Variants in ABCC4 observed in about 807,000 individuals in gnomAD.
ABCC4 encodes the protein ATP-binding cassette sub-family C member 4.
Under a neutral mutation model 168.5 loss-of-function variants are expected in ABCC4, and 102 were observed. The observed-to-expected ratio is 0.61, with a 90% CI of 0.52 to 0.71. The LOEUF is 0.71. Among genes scored for constraint, ABCC4 ranks in the 30% least tolerant of loss-of-function variants. ABCC4 has a pLI of 0.00. For synonymous variants in ABCC4, 617 were observed against 590.7 expected, an observed-to-expected ratio of 1.04 and a Z score of -0.65; for missense variants, 1,402 against 1,605.8, an observed-to-expected ratio of 0.87 and a Z score of 2.17.
Position 95,188,185 on chromosome 13 carries a change from C to G in ABCC4, c.1353+268G>C, listed in dbSNP as rs149988692. Among the ~76,000 whole-genome samples, 477 of 152,272 alleles carry G rather than the reference C, an allele frequency of 3.1e-3. 2 individuals are homozygous for G. The highest frequency in any genetic ancestry group is 0.011 in the African/African-American group (442 of 41,534). On this transcript the variant is annotated intron_variant, in intron 10 of 30. Transcript: ENST00000645237. Reference sequence around the variant, plus strand: ...TAGTCAATCCATCCTGCATAGTGGTCACATAAATAATTTCTTTCATGGAGA... The same window carrying G: ...TAGTCAATCCATCCTGCATAGTGGTGACATAAATAATTTCTTTCATGGAGA...
Position 95,164,054 on chromosome 13 carries a change from A to AAAAGAAAG in ABCC4, c.2175+316_2175+323dup, listed in dbSNP as rs781636269. Among the ~76,000 whole-genome samples the AAAAGAAAG allele has an allele frequency of 2.0e-3, 284 of 138,914 alleles. 2 individuals carry two copies. The highest frequency in any genetic ancestry group is 2.7e-3 in the Non-Finnish European group (178 of 65,512). The allele number at this position is 138,914 out of a possible 152,430, so 91.1% of individuals were successfully genotyped here. Reference sequence around the variant, plus strand: ...AAACTCCATCTCAAAAAAAAAAAAAAAAAGAAAGAAAGAAAGAAAGAAAGA... The same window carrying AAAAGAAAG: ...AAACTCCATCTCAAAAAAAAAAAAAAAAAGAAAGAAAGAAAGAAAGAAAGAAAGAAAGA... On this transcript the variant is annotated intron_variant, in intron 16 of 30. Coordinates refer to ENST00000645237, the MANE Select transcript of ABCC4 (RefSeq NM_005845.5).
chr13:95,247,910 T>C (rs2040150656), intron 1 of ABCC4, among the ~76,000 whole-genome samples, 157 bp from the exon 2 acceptor site: 3 of 19,940 alleles, frequency 1.5e-4, no homozygotes, highest in Non-Finnish European at 2.9e-4. Flanking sequence ...AGAGAAAAGT[T>C]AACATGTGCA....
At chr13:95,107,197 C>A (rs1670644916) in intron 20 of ABCC4, among the ~76,000 whole-genome samples, 1 of 152,134 alleles carries the variant, frequency 6.6e-6, no homozygotes, top group Non-Finnish European at 1.5e-5. Flanking sequence ...GCAGAAGCTA[C>A]AGTGAGCCGA....
At chr13:95,035,138 T>C (rs1285168970) in intron 29 of ABCC4, among the ~76,000 whole-genome samples, 1 of 152,128 alleles carries the variant, frequency 6.6e-6, no homozygotes, top group African/African-American at 2.4e-5. Context: ...TCAAATTAAA[T>C]TTATCTAAAA....
At chr13:95,061,407 G>C (rs898726834) in intron 26 of ABCC4, among the ~76,000 whole-genome samples, 2 of 152,156 alleles carry the variant, frequency 1.3e-5, no homozygotes, top group African/African-American at 4.8e-5. Context: ...TCAGTGCTAG[G>C]ATAGCCATAA....
chr13:95,135,440 T>A (rs1003983466), intron 19 of ABCC4, among the ~76,000 whole-genome samples: 7 of 145,712 alleles, frequency 4.8e-5, no homozygotes, highest in Admixed American at 4.2e-4. Flanking sequence ...TTTGAGAGGG[T>A]CTTGCTCTGT....
At chr13:95,251,887 G>C (rs1302769321) in intron 1 of ABCC4, among the ~76,000 whole-genome samples, 2 of 152,122 alleles carry the variant, frequency 1.3e-5, no homozygotes, top group African/African-American at 4.8e-5. Context: ...AGATTAAATG[G>C]GAAATTCCAG....
chr13:95,071,925 T>C (rs562212910), intron 24 of ABCC4, 72 bp from the exon 25 acceptor site: 94 of 1,141,838 alleles, frequency 8.2e-5, no homozygotes, highest in South Asian at 6.9e-4. Context: ...AGACTGTCAA[T>C]GAAATGTTCT....
In ABCC4 at chr13:95,248,497, TC is replaced by T. The variant is rs796948972; in HGVS notation, c.75-745del. The stretch of plus-strand genomic sequence containing the variant: ...AGAACTTATTCAAATATTTTGAGAT[TC>T]TTTTTACTAAAAAAAAAGAAAAATC... On this transcript the variant is annotated intron_variant, in intron 1 of 30. Transcript: ENST00000645237. Among the ~76,000 whole-genome samples the T allele has an allele frequency of 4.9e-5, 7 of 143,934 alleles. No individual in the cohort carries two copies. In the South Asian group the frequency reaches 1.5e-3, roughly 31 times the overall value. The allele number at this position is 143,934 out of a possible 152,430, so 94.4% of individuals were successfully genotyped here.
intron 16 of ABCC4, among the ~76,000 whole-genome samples, 173 bp downstream of exon 16, chr13:95,164,205 T>C (rs1461099118): frequency 6.6e-6 from 1 of 152,262 alleles, no homozygotes; most frequent in South Asian, 2.1e-4. Flanking sequence ...TACCCTTTTT[T>C]CGCAGGTCTT....
intron 7 of ABCC4, among the ~76,000 whole-genome samples, chr13:95,207,275 G>A (rs558856485): frequency 1.1e-4 from 16 of 152,220 alleles, no homozygotes; most frequent in South Asian, 2.1e-4. Context: ...TGATCCACCC[G>A]CCTCAGCCTC....
At position 95,075,235 on chromosome 13, in the gene ABCC4, G is replaced by A. The variant is rs780867788; in HGVS notation, c.2806+197C>T. ...CAAGCCAGTCAGGGGGCACAAAGAG[G>A]GAACGTGCAGCAGCGATTCCGAGAG... On this transcript the variant is annotated intron_variant, in intron 22 of 30. Transcript: ENST00000645237. 515 of 627,040 alleles carry A rather than the reference G, an allele frequency of 8.2e-4. 5 individuals carry two copies. In the Middle Eastern group the frequency reaches 8.9e-3, roughly 11 times the overall value. The allele number at this position is 627,040 out of a possible 1,614,324, so 38.8% of individuals were successfully genotyped here.
At chr13:95,140,597 G>A (rs1200796339) in intron 19 of ABCC4, among the ~76,000 whole-genome samples, 1 of 152,026 alleles carries the variant, frequency 6.6e-6, no homozygotes, top group Admixed American at 6.6e-5. Flanking sequence ...AATCTATAAG[G>A]AAATCATTTA....
At chr13:95,186,606 T>G (rs2038067812) in intron 11 of ABCC4, 95 bp downstream of exon 11, 6 of 1,221,918 alleles carry the variant, frequency 4.9e-6, no homozygotes, top group Non-Finnish European at 6.8e-6. Context: ...CAAAGGTCTT[T>G]AAAAATTAAA....
At chr13:95,232,496 G>T (rs1325661906) in intron 4 of ABCC4, among the ~76,000 whole-genome samples, 1 of 152,048 alleles carries the variant, frequency 6.6e-6, no homozygotes, top group East Asian at 1.9e-4. Flanking sequence ...GGCCAACATG[G>T]TGACACCACG....
At chr13:95,119,950 CA>C in intron 19 of ABCC4, among the ~76,000 whole-genome samples, 1 of 152,320 alleles carries the variant, frequency 6.6e-6, no homozygotes, top group African/African-American at 2.4e-5. Flanking sequence ...TCCCTATGCC[CA>C]CCCCAGCCTC....
chr13:95,056,224 C>T (rs1594020014), intron 26 of ABCC4, among the ~76,000 whole-genome samples: 1 of 152,294 alleles, frequency 6.6e-6, no homozygotes, highest in African/African-American at 2.4e-5. Flanking sequence ...TGCACAGTAG[C>T]TAGCCACAAC....
At chr13:95,261,759 T>C (rs1163141873) in intron 1 of ABCC4, among the ~76,000 whole-genome samples, 1 of 152,092 alleles carries the variant, frequency 6.6e-6, no homozygotes, top group African/African-American at 2.4e-5. Context: ...CAGTCAAAAA[T>C]CTACTGCATT....
chr13:95,208,236 G>T (rs1449162467), intron 6 of ABCC4, among the ~76,000 whole-genome samples: 1 of 151,644 alleles, frequency 6.6e-6, no homozygotes, highest in Non-Finnish European at 1.5e-5. Flanking sequence ...ACCCGAGCCT[G>T]ACGATAACAC....
Sources: allele counts gnomAD v4.1 joint callset (sites outside exome capture counted in the v4.1 genomes callset), GRCh38; gene constraint gnomAD v4.1.1; transcripts MANE v1.5; gene names NCBI Gene and HGNC (gene_info 2026-07-23, HGNC 2026-07-21).